The following ZBTB20 variants were observed in gnomAD, a reference collection of about 807,000 sequenced individuals.
ZBTB20 encodes zinc finger and BTB domain containing 20.
In ZBTB20, 9 loss-of-function variants were observed where a neutral mutation model predicts 56.9. The observed-to-expected ratio is 0.16, with a 90% CI of 0.10 to 0.28. The LOEUF is 0.28. Among genes scored for constraint, ZBTB20 ranks in the 10% least tolerant of loss-of-function variants. ZBTB20 has a pLI of 1.00. For synonymous variants in ZBTB20, 417 were observed against 420.7 expected, an observed-to-expected ratio of 0.99 and a Z score of 0.11; for missense variants, 655 against 1,003.0, an observed-to-expected ratio of 0.65 and a Z score of 4.69.
At chr3:114,394,302 T>A (rs2108653429) in intron 7 of ZBTB20, among the ~76,000 whole-genome samples, 1 of 152,284 alleles carries the variant, frequency 6.6e-6, no homozygotes, top group South Asian at 2.1e-4. Flanking sequence ...GAGGCCAGAA[T>A]CCAAACCCAG....
chr3:114,881,140 T>C (rs764631339), intron 4 of ZBTB20, among the ~76,000 whole-genome samples: 15 of 152,140 alleles, frequency 9.9e-5, no homozygotes, highest in Non-Finnish European at 2.1e-4. Flanking sequence ...ATATAATAGA[T>C]GTTAAACTGG....
intron 1 of ZBTB20, among the ~76,000 whole-genome samples, chr3:115,109,779 A>T (rs2083822308): frequency 6.6e-6 from 1 of 152,218 alleles, no homozygotes. Context: ...TTAAAATTTT[A>T]TATTTGTTTG....
chr3:115,135,659 A>G (rs967293316), intron 1 of ZBTB20, among the ~76,000 whole-genome samples: 1 of 152,182 alleles, frequency 6.6e-6, no homozygotes, highest in Admixed American at 6.5e-5. Flanking sequence ...ATAAATATGA[A>G]AAAGTATGTC....
At chr3:114,604,399 T>C (rs2056987618) in intron 6 of ZBTB20, among the ~76,000 whole-genome samples, 1 of 151,866 alleles carries the variant, frequency 6.6e-6, no homozygotes, top group African/African-American at 2.4e-5. Context: ...TGGTTACTAA[T>C]GGGAATAGAA....
intron 4 of ZBTB20, among the ~76,000 whole-genome samples, chr3:114,854,204 A>C (rs930406666): frequency 4.6e-5 from 7 of 152,212 alleles, no homozygotes; most frequent in Admixed American, 1.3e-4. Context: ...GTTTTCTGTG[A>C]GTGGAAAATG....
At chr3:115,097,434 G>A (rs139800448) in intron 1 of ZBTB20, among the ~76,000 whole-genome samples, 219 of 151,772 alleles carry the variant, frequency 1.4e-3, no homozygotes, top group South Asian at 3.1e-3. Context: ...TGCCCGCCTC[G>A]GCCTCCCAAA....
At chr3:114,748,352 T>TCTTTCTTTTCTCTCTCTC (rs374192570) in intron 5 of ZBTB20, among the ~76,000 whole-genome samples, 1 of 48,578 alleles carries the variant, frequency 2.1e-5, no homozygotes, top group African/African-American at 5.7e-5. Flanking sequence ...TTTCTTTCTT[T>TCTTTCTTTTCTCTCTCTC]TCTCTCTCTC....
At chr3:114,484,503 A>AG (rs2041892364) in intron 7 of ZBTB20, among the ~76,000 whole-genome samples, 1 of 152,168 alleles carries the variant, frequency 6.6e-6, no homozygotes, top group Non-Finnish European at 1.5e-5. Context: ...AGGGCTTTGC[A>AG]GGGGGAGAAA....
chr3:114,499,712 T>C (rs1010625441), intron 7 of ZBTB20, among the ~76,000 whole-genome samples: 1 of 152,216 alleles, frequency 6.6e-6, no homozygotes, highest in African/African-American at 2.4e-5. Flanking sequence ...ACGTTCTCTT[T>C]TTTTTCATAT....
chr3:114,673,330 C>T (rs534853572), intron 6 of ZBTB20, among the ~76,000 whole-genome samples: 76 of 152,154 alleles, frequency 5.0e-4, no homozygotes, highest in Non-Finnish European at 8.1e-4. Flanking sequence ...ACCTACCCCA[C>T]AGGGTGATAT....
chr3:114,784,356 T>C (rs2070335516), intron 5 of ZBTB20, among the ~76,000 whole-genome samples: 1 of 152,200 alleles, frequency 6.6e-6, no homozygotes, highest in African/African-American at 2.4e-5. Context: ...GGGCAAGTAA[T>C]GTTTTGTGTG....
intron 1 of ZBTB20, among the ~76,000 whole-genome samples, chr3:115,078,613 G>GTGTGTGTGTGTGTGTGTGTATATATATA (rs769630983): frequency 6.5e-5 from 9 of 137,828 alleles, no homozygotes; most frequent in African/African-American, 2.5e-4. Context: ...GTGTGTGTGT[G>GTGTGTGTGTGTGTGTGTGTATATATATA]TATATATATA....
At chr3:115,060,972 AT>A (rs1318044633) in intron 2 of ZBTB20, among the ~76,000 whole-genome samples, 1 of 152,044 alleles carries the variant, frequency 6.6e-6, no homozygotes, top group Non-Finnish European at 1.5e-5. Context: ...CATCTTTAAT[AT>A]TTTATATGTT....
intron 3 of ZBTB20, among the ~76,000 whole-genome samples, chr3:114,942,154 G>A (rs956511735): frequency 4.1e-5 from 6 of 145,400 alleles, no homozygotes; most frequent in Non-Finnish European, 7.4e-5. Context: ...AAATAATTTC[G>A]TTATAGCCTC....
At chr3:114,364,259 C>A (rs541493760) in intron 10 of ZBTB20, among the ~76,000 whole-genome samples, 1 of 152,134 alleles carries the variant, frequency 6.6e-6, no homozygotes, top group African/African-American at 2.4e-5. Flanking sequence ...TGAGACCAGC[C>A]TAGCCAACAT....
At chr3:114,851,980 C>T (rs2075022051) in intron 4 of ZBTB20, among the ~76,000 whole-genome samples, 1 of 151,984 alleles carries the variant, frequency 6.6e-6, no homozygotes, top group Non-Finnish European at 1.5e-5. Context: ...ATACGAGTTG[C>T]CAATCAAAAT....
At chr3:114,767,424 C>T (rs954204934) in intron 5 of ZBTB20, among the ~76,000 whole-genome samples, 1 of 151,514 alleles carries the variant, frequency 6.6e-6, no homozygotes. Flanking sequence ...AGGAATATGC[C>T]ACAGCACTAA....
chr3:114,699,421 T>A (rs1175050422), intron 5 of ZBTB20, among the ~76,000 whole-genome samples: 1 of 152,038 alleles, frequency 6.6e-6, no homozygotes, highest in Non-Finnish European at 1.5e-5. Flanking sequence ...TGTACTGATT[T>A]CCATTTTCTT....
intron 5 of ZBTB20, among the ~76,000 whole-genome samples, chr3:114,754,429 CA>C (rs1322538610): frequency 6.6e-6 from 1 of 152,124 alleles, no homozygotes; most frequent in Admixed American, 6.6e-5. Context: ...GAAGACCCTA[CA>C]GGGTTTTCTT....
Sources: gnomAD v4.1 joint callset for allele counts (sites outside exome capture counted in the v4.1 genomes callset) on GRCh38, gnomAD v4.1.1 for gene constraint, MANE v1.5 for transcripts, NCBI Gene and HGNC (gene_info 2026-07-23, HGNC 2026-07-21) for gene names.